PRKAG1: variants seen among roughly 807,000 people sequenced by gnomAD.
The protein encoded by PRKAG1 is 5'-AMP-activated protein kinase subunit gamma-1.
Under a neutral mutation model 48.2 loss-of-function variants are expected in PRKAG1, and 27 were observed. The observed-to-expected ratio is 0.56, with a 90% CI of 0.41 to 0.77. PRKAG1 has a LOEUF of 0.77. Ranked by LOEUF, PRKAG1 falls within the 30% of genes least tolerant of loss-of-function variation. The probability of loss-of-function intolerance (pLI) is 0.00; values close to 1 mark genes in which losing one functional copy is unlikely to be tolerated. For missense variants in PRKAG1, 287 were observed against 398.3 expected, an observed-to-expected ratio of 0.72 and a Z score of 2.38; for synonymous variants, 130 against 147.7, an observed-to-expected ratio of 0.88 and a Z score of 0.87.
chr12:49,005,016 C>T lies in PRKAG1; in HGVS notation c.358G>A (p.Val120Met). The T allele has an allele frequency of 2.5e-6, 4 of 1,613,998 alleles. No homozygotes were observed. Among genetic ancestry groups the T allele is most frequent in the South Asian group, 1.1e-5 (1 of 91,080 alleles). ...GGTTTAAAGGAGTCCTGGAGATACA[C>T]CTCTGAAGGGAAAAGGGATGGGTCA... is the stretch of plus-strand genomic sequence containing the variant. Reference protein sequence around the residue: ...EEHKIETWREVYLQDSFKPLV... With the variant: ...EEHKIETWREMYLQDSFKPLV... Residue 120 changes from valine to methionine, a missense_variant and splice_region_variant, in exon 7 of 12, where the codon GTG (valine) becomes ATG (methionine). By Grantham distance (21) the Val-to-Met change is conservative. This residue lies in a region of PRKAG1 where 224 missense variants were observed against 344.3 expected (regional missense o/e 0.65). Transcript: ENST00000548065. This position sits in a 1 kb window ranked among gnomAD's most constrained non-coding sequence, Gnocchi z 4.1.
At chr12:49,007,020 T>C (rs901021502) in intron 2 of PRKAG1, among the ~76,000 whole-genome samples, 1 of 150,474 alleles carries the variant, frequency 6.6e-6, no homozygotes, top group African/African-American at 2.5e-5. Flanking sequence ...GCGTGGTGGC[T>C]CACACCTGTA....
intron 1 of PRKAG1, among the ~76,000 whole-genome samples, chr12:49,013,320 C>T (rs944183961): frequency 8.5e-5 from 13 of 152,136 alleles, no homozygotes; most frequent in African/African-American, 3.1e-4. Flanking sequence ...CAGCTCACTT[C>T]AGCCTTGACC....
At chr12:49,018,543 G>T (rs61942217) in intron 1 of PRKAG1, 189 bp downstream of exon 1, 40 of 1,447,052 alleles carry the variant, frequency 2.8e-5, no homozygotes, top group Non-Finnish European at 3.0e-5. Context: ...GCGGGGACGC[G>T]GCCCAGTTCC....
At chr12:49,013,236 C>G in intron 1 of PRKAG1, 126 bp from the exon 2 acceptor site, 1 of 805,930 alleles carries the variant, frequency 1.2e-6, no homozygotes, top group Non-Finnish European at 2.0e-6. Context: ...ACTGCCCCCG[C>G]CAAACCCTTT....
intron 7 of PRKAG1, 156 bp downstream of exon 7, chr12:49,004,808 A>C: frequency 8.3e-7 from 1 of 1,202,332 alleles, no homozygotes; most frequent in East Asian, 2.5e-5. Context: ...AGAGAGAGAG[A>C]GAGACTGTGT....
At chr12:49,004,427 G>T in intron 8 of PRKAG1, 80 bp downstream of exon 8, 1 of 1,554,946 alleles carries the variant, frequency 6.4e-7, no homozygotes, top group South Asian at 1.2e-5. Context: ...AACACAGTGA[G>T]ACCTCGTCTC....
chr12:49,013,534 G>A (rs1265361375), intron 1 of PRKAG1, among the ~76,000 whole-genome samples: 1 of 152,092 alleles, frequency 6.6e-6, no homozygotes, highest in Non-Finnish European at 1.5e-5. Context: ...ACGAGTTACT[G>A]CACCCAGCCT....
At chr12:49,008,741 G>GTTGA (rs949929498) in intron 2 of PRKAG1, 7 of 152,332 alleles carry the variant, frequency 4.6e-5, no homozygotes, top group African/African-American at 1.7e-4. Flanking sequence ...CCTGCAGAAT[G>GTTGA]TTGAAGGCAT....
Position 49,003,258 on chromosome 12 carries a change from T to C in PRKAG1, c.774A>G (p.Leu258=), listed in dbSNP as rs776181708. The change falls in exon 11 of 12, where the codon CTA becomes CTG. Residue 258 remains leucine, a synonymous_variant. Coordinates refer to ENST00000548065, the MANE Select transcript of PRKAG1 (RefSeq NM_002733.5). ...GCAAGGCTTTAGTCACAGATACATC[T>C]AGGTTGTTGTAGGTCTTTTCTGCTG... ...NLAAEKTYNN[L]DVSVTKALQH... 5.6e-6 allele frequency: 9 copies of C among 1,614,060 alleles called. No homozygotes were observed. Among genetic ancestry groups the C allele is most frequent in the Middle Eastern group, 1.6e-4 (1 of 6,084 alleles).
chr12:49,014,648 C>A (rs1178707517), intron 1 of PRKAG1, among the ~76,000 whole-genome samples: 2 of 152,214 alleles, frequency 1.3e-5, no homozygotes, highest in Non-Finnish European at 2.9e-5. Context: ...GGATAAGGAA[C>A]ACGAATGTAC....
rs1189849905 is a variant in PRKAG1 at position 49,005,558 on chromosome 12, G to C, written c.169-15C>G. The C allele has an allele frequency of 1.2e-6, 2 of 1,614,016 alleles. No homozygotes were observed. Among genetic ancestry groups the C allele is most frequent in the Non-Finnish European group, 1.7e-6 (2 of 1,180,012 alleles). On this transcript the variant is annotated splice_polypyrimidine_tract_variant and intron_variant, in intron 3 of 11. Transcript: ENST00000548065. The surrounding 1 kb of genome is among the most constrained non-coding windows in gnomAD (Gnocchi z 4.1). ...GCTTTCTTCACCTGTAGCCAAGACA[G>C]TAATAATCATAAAGGCAAATCCACA... is the stretch of plus-strand genomic sequence containing the variant.
At chr12:49,003,366 C>A (rs1422612434) in intron 10 of PRKAG1, 76 bp from the exon 11 acceptor site, 18 of 1,583,726 alleles carry the variant, frequency 1.1e-5, no homozygotes, top group Non-Finnish European at 1.6e-5. Flanking sequence ...CCAACCTCAA[C>A]AGAGGGATTC....
In PRKAG1 at chr12:49,005,859, A is replaced by G. The variant is rs201626731; in HGVS notation, c.59-7T>C. 11 of 1,556,042 alleles carry G rather than the reference A, an allele frequency of 7.1e-6. No homozygotes were observed. The highest frequency in any genetic ancestry group is 4.1e-5 in the African/African-American group (3 of 72,612). On this transcript the variant is annotated splice_polypyrimidine_tract_variant and splice_region_variant and intron_variant, in intron 2 of 11. Transcript: ENST00000548065. This position sits in a 1 kb window ranked among gnomAD's most constrained non-coding sequence, Gnocchi z 4.1. ...TTGTTGGATTCTGGGGTCTCTGCAT[A>G]GGGTGGGATAGTTAGTAGCTTCCTT...
intron 7 of PRKAG1, 151 bp downstream of exon 7, chr12:49,004,813 C>CTG (rs3832821): frequency 0.068 from 48,354 of 708,504 alleles, 527 homozygotes; most frequent in East Asian, 0.13. Flanking sequence ...GAGAGAGAGA[C>CTG]TGTGTGTGTG....
At chr12:49,004,881 C>G in intron 7 of PRKAG1, 83 bp downstream of exon 7, 4 of 1,418,006 alleles carry the variant, frequency 2.8e-6, no homozygotes, top group South Asian at 1.2e-5. Context: ...TCTTCTTCCC[C>G]TTTCCCTGGG....
chr12:49,003,508 G>GCCCCCCC, intron 10 of PRKAG1, 50 bp downstream of exon 10: 5 of 1,371,344 alleles, frequency 3.6e-6, no homozygotes, highest in Non-Finnish European at 5.0e-6. Flanking sequence ...ATTTAACAGT[G>GCCCCCCC]CCCCCCCCCC....
At chr12:49,004,360 T>C (rs1592271213) in intron 8 of PRKAG1, 147 bp downstream of exon 8, 1 of 1,002,626 alleles carries the variant, frequency 1.0e-6, no homozygotes. Flanking sequence ...TCCTAGCACT[T>C]TGGGAGGCTG....
At chr12:49,017,338 C>CT in intron 1 of PRKAG1, 2 of 382,904 alleles carry the variant, frequency 5.2e-6, no homozygotes, top group Admixed American at 6.8e-5. Context: ...GTAGCTGGGA[C>CT]TACAGGCACA....
chr12:49,004,087 C>T (rs554458784), intron 8 of PRKAG1, 165 bp from the exon 9 acceptor site: 23 of 903,194 alleles, frequency 2.5e-5, no homozygotes, highest in Admixed American at 1.3e-4. Flanking sequence ...CCCAGGAGTT[C>T]GAGACCAGCC....
Sources: gnomAD v4.1 joint callset for allele counts (sites outside exome capture counted in the v4.1 genomes callset) on GRCh38, gnomAD v4.1.1 for gene constraint, gnomAD v4.1.1 regional missense constraint, Gnocchi (gnomAD v3.1) non-coding constraint, MANE v1.5 for transcripts, NCBI Gene and HGNC (gene_info 2026-07-23, HGNC 2026-07-21) for gene names.